Variants in STT3B observed in about 807,000 individuals in gnomAD.
The protein encoded by STT3B is dolichyl-diphosphooligosaccharide--protein glycosyltransferase subunit STT3B.
STT3B carries 29 observed loss-of-function variants against 96.8 expected under a neutral mutation model. That is an observed-to-expected ratio of 0.30 (90% confidence interval 0.22 to 0.41). STT3B has a LOEUF of 0.41. Among genes scored for constraint, STT3B ranks in the 10% least tolerant of loss-of-function variants. STT3B has a pLI of 1.00. For synonymous variants in STT3B, 367 were observed against 360.0 expected (o/e 1.02, Z -0.22); for missense variants, 640 against 1,022.3 (o/e 0.63, Z 5.10).
chr3:31,600,754 G>A (rs1024805120), intron 5 of STT3B, among the ~76,000 whole-genome samples: 7 of 151,798 alleles, frequency 4.6e-5, no homozygotes, highest in Admixed American at 1.3e-4. Context: ...CATGAAAATC[G>A]TTCACATTTT....
chr3:31,536,066 GTTC>G (rs1321609285), intron 1 of STT3B, among the ~76,000 whole-genome samples: 1 of 151,864 alleles, frequency 6.6e-6, no homozygotes, highest in East Asian at 1.9e-4. Context: ...AAAATACCTT[GTTC>G]TTGTTTTTTT....
intron 9 of STT3B, among the ~76,000 whole-genome samples, chr3:31,621,866 C>T (rs1002990484): frequency 2.0e-5 from 3 of 152,138 alleles, no homozygotes; most frequent in African/African-American, 7.2e-5. Flanking sequence ...AAATTTGAAT[C>T]ATATACATTT....
At position 31,579,936 on chromosome 3, in the gene STT3B, C is replaced by T. The variant is rs1387511452; in HGVS notation, c.551C>T (p.Ser184Phe). The change falls in exon 3 of 16, where the codon TCT becomes TTT. Residue 184 changes from serine to phenylalanine, a missense_variant. By Grantham distance (155) the Ser-to-Phe change is radical (BLOSUM62 -2). Transcript: ENST00000295770. ...APTFSGLTSISTFLLTRELWN... is the reference protein window; with the variant it reads ...APTFSGLTSIFTFLLTRELWN... ...ACTTTTAGCGGCCTTACATCTATATCTACTTTCCTGCTTACAAGAGAACTT... is the reference window on the plus strand; with the variant it reads ...ACTTTTAGCGGCCTTACATCTATATTTACTTTCCTGCTTACAAGAGAACTT... 2 of 1,613,932 alleles carry T rather than the reference C, an allele frequency of 1.2e-6. No homozygotes were observed. The highest frequency in any genetic ancestry group is 8.5e-7 in the Non-Finnish European group (1 of 1,179,876).
chr3:31,546,239 G>T (rs548391398), intron 1 of STT3B, among the ~76,000 whole-genome samples: 42 of 152,246 alleles, frequency 2.8e-4, no homozygotes, highest in African/African-American at 9.9e-4. Flanking sequence ...ACAATTTTGT[G>T]GGTTGAGTGG....
intron 12 of STT3B, among the ~76,000 whole-genome samples, chr3:31,625,421 A>G (rs1699514979): frequency 6.6e-6 from 1 of 152,240 alleles, no homozygotes; most frequent in Non-Finnish European, 1.5e-5. Flanking sequence ...TGTAAAGTAA[A>G]TGCACTGTAT....
intron 1 of STT3B, among the ~76,000 whole-genome samples, chr3:31,563,291 A>G (rs1293225363): frequency 6.6e-6 from 1 of 152,194 alleles, no homozygotes; most frequent in Non-Finnish European, 1.5e-5. Flanking sequence ...CTAGTAGAGC[A>G]AATTATTTTA....
At position 31,621,984 on chromosome 3, in the gene STT3B, C is replaced by T. The variant is rs80348727; in HGVS notation, c.1328-113C>T. On this transcript the variant is annotated intron_variant, in intron 9 of 15. Transcript: ENST00000295770. ...AGTATCAATTTAGAAACAATTAGAT[C>T]GTTTGTGAGACATTTATATAATTCC... 20,114 of 709,158 alleles carry T rather than the reference C, an allele frequency of 0.028. 383 individuals are homozygous for T. Among genetic ancestry groups the T allele is most frequent in the Non-Finnish European group, 0.038 (15,382 of 403,518 alleles). 43.9% of individuals were successfully genotyped at this position (709,158 alleles called of 1,614,324 possible). A position where few individuals can be genotyped will look rare whatever the true frequency, so the allele number is the denominator to read the frequency against.
chr3:31,538,147 T>C (rs1697147274), intron 1 of STT3B, among the ~76,000 whole-genome samples: 1 of 152,170 alleles, frequency 6.6e-6, no homozygotes, highest in Non-Finnish European at 1.5e-5. Context: ...GATTCTACAA[T>C]TAATATTTTG....
intron 10 of STT3B, among the ~76,000 whole-genome samples, 164 bp from the exon 11 acceptor site, chr3:31,623,510 A>G (rs1699471776): frequency 6.6e-6 from 1 of 152,222 alleles, no homozygotes; most frequent in African/African-American, 2.4e-5. Flanking sequence ...CGTTTGACTT[A>G]GAAAACACTC....
At chr3:31,574,106 A>C (rs754685621) in intron 1 of STT3B, among the ~76,000 whole-genome samples, 1 of 152,170 alleles carries the variant, frequency 6.6e-6, no homozygotes, top group Non-Finnish European at 1.5e-5. Flanking sequence ...TCAGTTTTTT[A>C]AAATGAAAAA....
At chr3:31,628,998 T>G (rs1263483860) in intron 13 of STT3B, among the ~76,000 whole-genome samples, 1 of 152,132 alleles carries the variant, frequency 6.6e-6, no homozygotes, top group South Asian at 2.1e-4. Flanking sequence ...CCCAGCTACT[T>G]GAGAGGCTGA....
intron 1 of STT3B, among the ~76,000 whole-genome samples, chr3:31,541,575 TTTTGTTTG>T (rs371554304): frequency 1.3e-5 from 2 of 151,812 alleles, no homozygotes; most frequent in African/African-American, 4.8e-5. Flanking sequence ...GCAATAATTT[TTTTGTTTG>T]TTTGTTTGTT....
chr3:31,592,524 A>G lies in STT3B; in HGVS notation c.712-4274A>G, dbSNP rs149392191. ...GGGAAATGCCAAACTGTTTTCCACA[A>G]CAGCAGTATCATTTTACATTCCCAC... On this transcript the variant is annotated intron_variant, in intron 3 of 15. Transcript: ENST00000295770. Among the ~76,000 whole-genome samples, 21 of 152,256 alleles carry G rather than the reference A, an allele frequency of 1.4e-4. No individual in the cohort carries two copies. The East Asian group carries it at 2.7e-3, about 20-fold the overall frequency.
chr3:31,592,670 C>T (rs1228148230), intron 3 of STT3B, among the ~76,000 whole-genome samples: 1 of 152,062 alleles, frequency 6.6e-6, no homozygotes, highest in East Asian at 1.9e-4. Flanking sequence ...ATTTGTAGTT[C>T]CCTAATGAGT....
At chr3:31,542,757 G>T (rs1278398140) in intron 1 of STT3B, among the ~76,000 whole-genome samples, 2 of 152,232 alleles carry the variant, frequency 1.3e-5, no homozygotes, top group Non-Finnish European at 2.9e-5. Context: ...TCTTTTCTGA[G>T]ATATATTGAC....
intron 14 of STT3B, among the ~76,000 whole-genome samples, chr3:31,631,122 C>T (rs907358346): frequency 1.3e-5 from 2 of 152,184 alleles, no homozygotes; most frequent in African/African-American, 4.8e-5. Context: ...AAAACACCAT[C>T]TTTGTGGCTA....
rs377483507 is a variant in STT3B at position 31,563,693 on chromosome 3, G to A, written c.315-12703G>A. On this transcript the variant is annotated intron_variant, in intron 1 of 15. Transcript: ENST00000295770. ...GCAGATAAAAAGTTGATATGTTGAA[G>A]GAACAGATATAATGCCCCTGTGGCC... 3.9e-5 allele frequency among the ~76,000 whole-genome samples: 6 copies of A among 152,172 alleles called. 1 individual carries two copies. In the East Asian group the frequency reaches 7.7e-4, roughly 19 times the overall value.
At chr3:31,555,290 T>C (rs974986965) in intron 1 of STT3B, among the ~76,000 whole-genome samples, 7 of 152,168 alleles carry the variant, frequency 4.6e-5, no homozygotes, top group Non-Finnish European at 1.0e-4. Flanking sequence ...CCTCTTGTTA[T>C]TCTTGAGGTG....
At chr3:31,573,714 G>T (rs560300891) in intron 1 of STT3B, among the ~76,000 whole-genome samples, 1 of 152,232 alleles carries the variant, frequency 6.6e-6, no homozygotes. Flanking sequence ...TTCCACATGG[G>T]TAGTCACATA....
Sources: allele counts gnomAD v4.1 joint callset (sites outside exome capture counted in the v4.1 genomes callset), GRCh38; gene constraint gnomAD v4.1.1; transcripts MANE v1.5; gene names NCBI Gene and HGNC (gene_info 2026-07-23, HGNC 2026-07-21).